The following ACOX3 variants were observed in gnomAD, a reference collection of about 807,000 sequenced individuals.
ACOX3 encodes the protein peroxisomal acyl-coenzyme A oxidase 3.
ACOX3 carries 73 observed loss-of-function variants against 81.5 expected under a neutral mutation model. The observed-to-expected ratio is 0.90, with a 90% CI of 0.74 to 1.09. The LOEUF is 1.09. Ranked by LOEUF, ACOX3 falls within the 50% of genes least tolerant of loss-of-function variation. The pLI, the probability that ACOX3 is intolerant of heterozygous loss-of-function variation, is 0.00. For missense variants in ACOX3, 947 were observed against 928.0 expected (o/e 1.02, Z -0.27); for synonymous variants, 387 against 375.1 (o/e 1.03, Z -0.37).
At chr4:8,356,344 T>C in the ACOX3 span, 2 of 364,166 alleles carry the variant, frequency 5.5e-6, no homozygotes, top group Non-Finnish European at 1.1e-5. Context: ...AAATCTCCCC[T>C]GTGCAGAGCA....
intron 14 of ACOX3, among the ~76,000 whole-genome samples, chr4:8,380,745 T>G (rs1717535239): frequency 6.6e-6 from 1 of 152,182 alleles, no homozygotes; most frequent in Non-Finnish European, 1.5e-5. Context: ...AGCAGCTCTC[T>G]CCGTATCCAC....
intron 17 of ACOX3, among the ~76,000 whole-genome samples, chr4:8,369,861 C>T (rs1049341102): frequency 4.6e-5 from 7 of 152,360 alleles, no homozygotes; most frequent in Admixed American, 2.6e-4. Flanking sequence ...GGTCAAACCC[C>T]TCTGTGACTC....
At chr4:8,427,015 G>A (rs1219261736) in intron 1 of ACOX3, among the ~76,000 whole-genome samples, 1 of 152,236 alleles carries the variant, frequency 6.6e-6, no homozygotes. Flanking sequence ...CTGTTGAGAG[G>A]GGGTACTAAG....
At chr4:8,436,909 G>T (rs1724272105) in intron 1 of ACOX3, among the ~76,000 whole-genome samples, 1 of 147,298 alleles carries the variant, frequency 6.8e-6, no homozygotes, top group African/African-American at 2.5e-5. Context: ...GGAGAATTGT[G>T]TGAACCTGGG....
intron 15 of ACOX3, 85 bp from the exon 16 acceptor site, chr4:8,373,713 A>G: frequency 3.0e-6 from 4 of 1,340,250 alleles, no homozygotes; most frequent in Non-Finnish European, 4.2e-6. Flanking sequence ...GCACTTTCCA[A>G]ATCGGCCATA....
Position 8,414,210 on chromosome 4 carries a change from T to G in ACOX3, c.543+82A>C. ...GGCCTCTTGCTTTAATGTTTTTTTT[T>G]TCTTATTCTGGGCAACGGCATTTGC... On this transcript the variant is annotated intron_variant, in intron 5 of 17. Coordinates refer to ENST00000356406, the MANE Select transcript of ACOX3 (RefSeq NM_003501.3). The surrounding 1 kb of genome is among the most constrained non-coding windows in gnomAD (Gnocchi z 6.1). The G allele has an allele frequency of 8.3e-7, 1 of 1,205,200 alleles. No homozygotes were observed. Among genetic ancestry groups the G allele is most frequent in the Non-Finnish European group, 1.2e-6 (1 of 822,346 alleles). The allele number at this position is 1,205,200 out of a possible 1,614,324, so 74.7% of individuals were successfully genotyped here.
intron 11 of ACOX3, among the ~76,000 whole-genome samples, chr4:8,392,104 G>A (rs1719060400): frequency 6.6e-6 from 1 of 152,234 alleles, no homozygotes; most frequent in Non-Finnish European, 1.5e-5. Context: ...TAAGCCACAT[G>A]GTCTCTGTCA....
At position 8,382,453 on chromosome 4, in the gene ACOX3, A is replaced by G. The variant is rs1317769491; in HGVS notation, c.1538-846T>C. 6.6e-6 allele frequency among the ~76,000 whole-genome samples: 1 copy of G among 152,114 alleles called. No homozygotes were observed. Among genetic ancestry groups the G allele is most frequent in the Non-Finnish European group, 1.5e-5 (1 of 68,002 alleles). On this transcript the variant is annotated intron_variant, in intron 13 of 17. Coordinates refer to ENST00000356406, the MANE Select transcript of ACOX3 (RefSeq NM_003501.3). The surrounding 1 kb of genome is among the most constrained non-coding windows in gnomAD (Gnocchi z 4.1). Reference sequence around the variant, plus strand: ...CAGGTACATGGCGAGCATGTGAGGGAGGGGTGCAGACCACCCACATGTGGA... The same window carrying G: ...CAGGTACATGGCGAGCATGTGAGGGGGGGGTGCAGACCACCCACATGTGGA...
chr4:8,423,597 G>A lies in ACOX3; in HGVS notation c.-14-7062C>T, dbSNP rs1422698706. Among the ~76,000 whole-genome samples the A allele has an allele frequency of 6.6e-6, 1 of 152,132 alleles. No individual in the cohort carries two copies. Among genetic ancestry groups the A allele is most frequent in the Admixed American group, 6.5e-5 (1 of 15,282 alleles). On this transcript the variant is annotated intron_variant, in intron 1 of 17. Transcript: ENST00000356406. The surrounding 1 kb of genome is among the most constrained non-coding windows in gnomAD (Gnocchi z 4.2). ...GAGTACAGAAACCCAATGGACAGTG[G>A]AGGTTAGTGCAAGATCTCAGGATTA...
rs1434727935 is a variant in ACOX3 at position 8,419,513 on chromosome 4, A to G, written c.-14-2978T>C. 2.6e-5 allele frequency among the ~76,000 whole-genome samples: 4 copies of G among 152,206 alleles called. No individual in the cohort carries two copies. Among genetic ancestry groups the G allele is most frequent in the African/African-American group, 7.2e-5 (3 of 41,450 alleles). On this transcript the variant is annotated intron_variant, in intron 1 of 17. Coordinates refer to ENST00000356406, the MANE Select transcript of ACOX3 (RefSeq NM_003501.3). This position sits in a 1 kb window ranked among gnomAD's most constrained non-coding sequence, Gnocchi z 4.2. ...GAGGATGTGGAGAAATCAGACTCTC[A>G]TGCCCTTCCAGTGAAAATGTAAAGT...
rs759032374 is a variant in ACOX3 at position 8,431,818 on chromosome 4, C to T, written c.-15+8830G>A. On this transcript the variant is annotated intron_variant, in intron 1 of 17. Transcript: ENST00000356406. The surrounding 1 kb of genome is among the most constrained non-coding windows in gnomAD (Gnocchi z 5.3). Reference sequence around the variant, plus strand: ...CTCCCTTCGGCACACCGATTCCCTGCTCAGTTTTAGACCTTGGTGCTATTG... The same window carrying T: ...CTCCCTTCGGCACACCGATTCCCTGTTCAGTTTTAGACCTTGGTGCTATTG... Among the ~76,000 whole-genome samples the T allele has an allele frequency of 6.6e-6, 1 of 152,262 alleles. No homozygotes were observed. The highest frequency in any genetic ancestry group is 2.1e-4 in the South Asian group (1 of 4,834).
At chr4:8,393,633 A>ACGCG (rs1553843539) in intron 10 of ACOX3, among the ~76,000 whole-genome samples, 5 of 71,096 alleles carry the variant, frequency 7.0e-5, no homozygotes, top group African/African-American at 2.0e-4. Context: ...ACACACACAC[A>ACGCG]CACGCACACA....
At chr4:8,420,074 A>T (rs903330887) in intron 1 of ACOX3, among the ~76,000 whole-genome samples, 2 of 152,206 alleles carry the variant, frequency 1.3e-5, no homozygotes, top group East Asian at 3.9e-4. Flanking sequence ...ACCAAGCCCA[A>T]GTACTATCAG....
In ACOX3 at chr4:8,370,680, G is replaced by C. The variant is rs1003292864; in HGVS notation, c.1983+228C>G. Reference sequence around the variant, plus strand: ...GCAGTGCCACCACCCCATCTCGGGAGGAAAAGGCAGGCAGGGGATGGGCAA... The same window carrying C: ...GCAGTGCCACCACCCCATCTCGGGACGAAAAGGCAGGCAGGGGATGGGCAA... On this transcript the variant is annotated intron_variant, in intron 17 of 17. Transcript: ENST00000356406. This position sits in a 1 kb window ranked among gnomAD's most constrained non-coding sequence, Gnocchi z 6.3. 3.9e-5 allele frequency among the ~76,000 whole-genome samples: 6 copies of C among 152,142 alleles called. No individual in the cohort carries two copies. Among genetic ancestry groups the C allele is most frequent in the African/African-American group, 1.4e-4 (6 of 41,424 alleles).
chr4:8,360,071 G>A, the ACOX3 span, among the ~76,000 whole-genome samples: 65 of 152,186 alleles, frequency 4.3e-4, no homozygotes, highest in Non-Finnish European at 8.8e-4. Flanking sequence ...AACTGGATGA[G>A]GTTTCCTTCT....
chr4:8,415,622 A>T (rs569779464), intron 3 of ACOX3, 144 bp downstream of exon 3: 52 of 677,042 alleles, frequency 7.7e-5, no homozygotes, highest in African/African-American at 6.9e-4. Flanking sequence ...TAAAAACATT[A>T]AAAAAAAGAT....
intron 1 of ACOX3, among the ~76,000 whole-genome samples, chr4:8,420,738 C>T (rs912913927): frequency 6.6e-6 from 1 of 152,198 alleles, no homozygotes; most frequent in Admixed American, 6.5e-5. Context: ...TGAGCTATCA[C>T]TTGCTGTCCA....
intron 5 of ACOX3, among the ~76,000 whole-genome samples, 177 bp from the exon 6 acceptor site, chr4:8,410,532 C>A (rs894102426): frequency 2.0e-5 from 3 of 152,216 alleles, no homozygotes; most frequent in African/African-American, 7.2e-5. Flanking sequence ...TTAAACACAG[C>A]CTATTCCTGG....
rs974855868 is a variant in ACOX3 at position 8,431,249 on chromosome 4, G to A, written c.-15+9399C>T. Among the ~76,000 whole-genome samples, 1 of 152,200 alleles carries A rather than the reference G, an allele frequency of 6.6e-6. No homozygotes were observed. Among genetic ancestry groups the A allele is most frequent in the Admixed American group, 6.5e-5 (1 of 15,280 alleles). The stretch of plus-strand genomic sequence containing the variant: ...CCCTCTGGCTTGTCAGGGCTGGCCT[G>A]TAGCAAGTTTTGGCCCCCTGACTTC... On this transcript the variant is annotated intron_variant, in intron 1 of 17. Coordinates refer to ENST00000356406, the MANE Select transcript of ACOX3 (RefSeq NM_003501.3). This position sits in a 1 kb window ranked among gnomAD's most constrained non-coding sequence, Gnocchi z 5.3.
Sources: allele counts gnomAD v4.1 joint callset (sites outside exome capture counted in the v4.1 genomes callset), GRCh38; gene constraint gnomAD v4.1.1; non-coding constraint Gnocchi (gnomAD v3.1); transcripts MANE v1.5; gene names NCBI Gene and HGNC (gene_info 2026-07-23, HGNC 2026-07-21).